Variants in TPRG1 observed in about 807,000 individuals in gnomAD.
TPRG1 encodes the protein tumor protein p63-regulated gene 1 protein.
Under a neutral mutation model 29.3 loss-of-function variants are expected in TPRG1, and 29 were observed. That is an observed-to-expected ratio of 0.99 (90% CI 0.74 to 1.35). The LOEUF is 1.35. Among genes scored for constraint, TPRG1 ranks in the 40% most tolerant of loss-of-function variants. TPRG1 has a pLI of 0.00. For missense variants in TPRG1, 327 were observed against 335.0 expected, an observed-to-expected ratio of 0.98 and a Z score of 0.19; for synonymous variants, 130 against 116.8, an observed-to-expected ratio of 1.11 and a Z score of -0.73.
chr3:189,216,558 G>C (rs1361359243), intron 3 of TPRG1, among the ~76,000 whole-genome samples: 1 of 152,196 alleles, frequency 6.6e-6, no homozygotes, highest in African/African-American at 2.4e-5. Flanking sequence ...TGTATCTGAA[G>C]AATTCTTGAG....
intron 4 of TPRG1, among the ~76,000 whole-genome samples, chr3:189,028,217 A>G (rs1713759650): frequency 6.6e-6 from 1 of 152,196 alleles, no homozygotes; most frequent in Non-Finnish European, 1.5e-5. Context: ...CCAGTCAATC[A>G]TATTGTCAGA....
At chr3:189,147,316 A>C (rs1399712607) in intron 3 of TPRG1, among the ~76,000 whole-genome samples, 1 of 152,204 alleles carries the variant, frequency 6.6e-6, no homozygotes, top group Non-Finnish European at 1.5e-5. Context: ...GCAGTGGAGA[A>C]AGAGAAAATC....
chr3:189,167,405 C>T (rs932261885), upstream of TPRG1, among the ~76,000 whole-genome samples: 4 of 152,212 alleles, frequency 2.6e-5, no homozygotes, highest in African/African-American at 7.2e-5. Flanking sequence ...GGGAGCCCTT[C>T]TCCCTGCCAT....
chr3:189,127,740 C>T (rs1333008787), intron 2 of TPRG1, among the ~76,000 whole-genome samples: 1 of 152,124 alleles, frequency 6.6e-6, no homozygotes, highest in Admixed American at 6.5e-5. Context: ...AAAGAGATGG[C>T]CTCTGGGTAG....
chr3:189,056,008 C>T (rs2152141722), intron 4 of TPRG1, among the ~76,000 whole-genome samples: 1 of 145,444 alleles, frequency 6.9e-6, no homozygotes, highest in South Asian at 2.3e-4. Flanking sequence ...GGATCTCTCT[C>T]TCCCTCCCTC....
At chr3:189,154,643 A>G (rs142650686) in intron 5 of TPRG1, among the ~76,000 whole-genome samples, 2,863 of 151,830 alleles carry the variant, frequency 0.019, 90 homozygotes, top group African/African-American at 0.066. Context: ...GGGTTTCACT[A>G]TGTTGGCCAG....
chr3:189,036,333 C>T (rs1192255601), intron 4 of TPRG1, among the ~76,000 whole-genome samples: 1 of 152,018 alleles, frequency 6.6e-6, no homozygotes, highest in African/African-American at 2.4e-5. Context: ...GTACTATGCT[C>T]ACTACTTGGG....
chr3:189,291,601 A>G (rs1719012868), intron 4 of TPRG1, among the ~76,000 whole-genome samples: 1 of 152,204 alleles, frequency 6.6e-6, no homozygotes, highest in Non-Finnish European at 1.5e-5. Context: ...TTTTCACACT[A>G]ATTTTTGATT....
At chr3:189,187,384 GCAAC>G (rs1248712126) in intron 1 of TPRG1, among the ~76,000 whole-genome samples, 1 of 151,936 alleles carries the variant, frequency 6.6e-6, no homozygotes, top group Non-Finnish European at 1.5e-5. Context: ...TTGGCTCACT[GCAAC>G]CTCTGCCTCC....
At chr3:189,022,963 G>A (rs988542618) in intron 3 of TPRG1, among the ~76,000 whole-genome samples, 1 of 152,166 alleles carries the variant, frequency 6.6e-6, no homozygotes, top group Non-Finnish European at 1.5e-5. Context: ...GAAAAGCGCA[G>A]TATTCGGGTG....
chr3:189,161,563 G>C (rs1727493108), intron 5 of TPRG1, among the ~76,000 whole-genome samples: 1 of 151,912 alleles, frequency 6.6e-6, no homozygotes, highest in Admixed American at 6.6e-5. Flanking sequence ...CCATCCCTCA[G>C]GCCCAAAAGC....
chr3:189,315,115 T>C (rs139611812), intron 5 of TPRG1, among the ~76,000 whole-genome samples: 1 of 152,262 alleles, frequency 6.6e-6, no homozygotes, highest in Non-Finnish European at 1.5e-5. Flanking sequence ...GCTGTGATTA[T>C]ACCATTGCAT....
chr3:189,162,414 G>T (rs1238218650), intron 5 of TPRG1, among the ~76,000 whole-genome samples: 2 of 152,208 alleles, frequency 1.3e-5, no homozygotes, highest in Non-Finnish European at 2.9e-5. Context: ...GGGAATAAGG[G>T]TGAAGCACTG....
chr3:189,105,286 A>G (rs1719683679), intron 1 of TPRG1, among the ~76,000 whole-genome samples: 1 of 151,972 alleles, frequency 6.6e-6, no homozygotes, highest in Admixed American at 6.6e-5. Context: ...TCTAAAGCTT[A>G]CTCATGATGT....
At chr3:188,999,714 G>A (rs1711940855) in intron 1 of TPRG1, among the ~76,000 whole-genome samples, 1 of 152,018 alleles carries the variant, frequency 6.6e-6, no homozygotes, top group Admixed American at 6.6e-5. Context: ...TTTATTGGCT[G>A]TATAATATTT....
intron 4 of TPRG1, among the ~76,000 whole-genome samples, chr3:189,274,676 A>G (rs1383602829): frequency 1.3e-5 from 2 of 152,124 alleles, no homozygotes; most frequent in Non-Finnish European, 2.9e-5. Flanking sequence ...TTGCAAAATA[A>G]TCTCCAGGAT....
At chr3:189,133,244 T>G (rs1723306583) in intron 3 of TPRG1, among the ~76,000 whole-genome samples, 1 of 152,162 alleles carries the variant, frequency 6.6e-6, no homozygotes, top group Admixed American at 6.5e-5. Flanking sequence ...AGATTTGAAG[T>G]CTTATGCTGT....
chr3:189,074,049 G>A (rs1328775085), intron 4 of TPRG1, among the ~76,000 whole-genome samples: 1 of 152,058 alleles, frequency 6.6e-6, no homozygotes, highest in Non-Finnish European at 1.5e-5. Flanking sequence ...ATCAAATAAC[G>A]GTTGTTAGTT....
intron 1 of TPRG1, among the ~76,000 whole-genome samples, chr3:189,116,847 T>C (rs1721235381): frequency 6.6e-6 from 1 of 152,200 alleles, no homozygotes; most frequent in South Asian, 2.1e-4. Context: ...AAAAGAGTTT[T>C]GGAGACTGGT....
Sources: gnomAD v4.1 joint callset for allele counts (sites outside exome capture counted in the v4.1 genomes callset) on GRCh38, gnomAD v4.1.1 for gene constraint, MANE v1.5 for transcripts, NCBI Gene and HGNC (gene_info 2026-07-23, HGNC 2026-07-21) for gene names.